Variants in DCLRE1C observed in about 807,000 individuals in gnomAD.
DCLRE1C encodes protein artemis.
Under a neutral mutation model 61.4 loss-of-function variants are expected in DCLRE1C, and 47 were observed. The observed-to-expected ratio is 0.77, with a 90% CI of 0.61 to 0.98. DCLRE1C has a LOEUF of 0.98. DCLRE1C is among the 50% of genes least tolerant of loss of function. The pLI is 0.00. For synonymous variants in DCLRE1C, 337 were observed against 287.6 expected, an observed-to-expected ratio of 1.17 and a Z score of -1.74; for missense variants, 858 against 816.0, an observed-to-expected ratio of 1.05 and a Z score of -0.63.
chr10:14,922,385 G>A (rs1242838584), intron 12 of DCLRE1C, among the ~76,000 whole-genome samples: 1 of 151,416 alleles, frequency 6.6e-6, no homozygotes, highest in African/African-American at 2.4e-5. Context: ...AGGTTGCAGT[G>A]AGCCGAGATC....
At position 14,919,758 on chromosome 10, in the gene DCLRE1C, C is replaced by A. The variant is rs762566227; in HGVS notation, c.1136G>T (p.Arg379Ile). The A allele has an allele frequency of 2.5e-6, 4 of 1,613,912 alleles. No individual in the cohort carries two copies. The highest frequency in any genetic ancestry group is 2.5e-6 in the Non-Finnish European group (3 of 1,179,868). The stretch of plus-strand genomic sequence containing the variant: ...CTTACCTGAGTCTCGGTGAACTGTT[C>A]TAGCTCTCTTCAGTTTTCCCAGTGG... ...YKPLGKLKRA[R>I]TVHRDSEEED... The change falls in exon 13 of 14, where the codon AGA becomes ATA. Residue 379 changes from arginine to isoleucine, a missense_variant. Transcript: ENST00000378278.
intron 10 of DCLRE1C, among the ~76,000 whole-genome samples, chr10:14,927,677 T>C (rs1162580692): frequency 6.6e-6 from 1 of 151,844 alleles, no homozygotes; most frequent in Non-Finnish European, 1.5e-5. Context: ...TAAGGAAATA[T>C]TGCTAAAATA....
At chr10:14,919,513 G>A (rs41299716) in intron 13 of DCLRE1C, among the ~76,000 whole-genome samples, 78 of 152,278 alleles carry the variant, frequency 5.1e-4, no homozygotes, top group African/African-American at 1.6e-3. Flanking sequence ...ACACACGATG[G>A]CACCGTTTTC....
Position 14,943,870 on chromosome 10 carries a change from A to T in DCLRE1C, c.246+1235T>A, listed in dbSNP as rs41296946. Among the ~76,000 whole-genome samples the T allele has an allele frequency of 8.5e-3, 1,300 of 152,250 alleles. 18 individuals carry two copies. Among genetic ancestry groups the T allele is most frequent in the African/African-American group, 0.03 (1,233 of 41,542 alleles). On this transcript the variant is annotated intron_variant, in intron 3 of 13. Coordinates refer to ENST00000378278, the MANE Select transcript of DCLRE1C (RefSeq NM_001033855.3). ...CAGATTTGTCTGATTTTTTTAACTT[A>T]AACTGAGAATTTGTCTTTTGACCAA...
intron 13 of DCLRE1C, among the ~76,000 whole-genome samples, chr10:14,912,587 G>T (rs1025207238): frequency 6.6e-6 from 1 of 152,182 alleles, no homozygotes; most frequent in Admixed American, 6.5e-5. Flanking sequence ...ATATTGGTTG[G>T]CAATAAAAAG....
exon 14 of DCLRE1C, chr10:14,898,210 T>C (rs1351098088): frequency 2.9e-5 from 4 of 137,448 alleles, no homozygotes; most frequent in South Asian, 2.4e-4. Flanking sequence ...TTCTTTTTTT[T>C]TTTTTTTTTT....
intron 13 of DCLRE1C, 29 bp from the exon 14 acceptor site, chr10:14,909,359 GA>G (rs1834866185): frequency 6.2e-7 from 1 of 1,605,392 alleles, no homozygotes; most frequent in Non-Finnish European, 8.5e-7. Flanking sequence ...AGGTTTATAG[GA>G]AACAAGGCAA....
intron 6 of DCLRE1C, 83 bp downstream of exon 6, chr10:14,935,380 C>G: frequency 1.4e-6 from 2 of 1,446,792 alleles, no homozygotes; most frequent in Non-Finnish European, 1.9e-6. Flanking sequence ...GCAGGAGAAT[C>G]GCTTGAACTC....
chr10:14,909,309 A>G lies in DCLRE1C; in HGVS notation c.1178T>C (p.Phe393Ser). ...TAAAGGTATTGGCAGAGGATCATCA[A>G]AGAGATAGTCATCTTCCTCCTCTGT... The part of the protein sequence containing the change: ...RDSEEEDDYL[F>S]DDPLPIPLRH... The change falls in exon 14 of 14, where the codon TTT becomes TCT. Residue 393 changes from phenylalanine (F) to serine (S), a missense_variant. Physicochemically the swap from Phe to Ser is radical, Grantham distance 155. Coordinates refer to ENST00000378278, the MANE Select transcript of DCLRE1C (RefSeq NM_001033855.3). 1 of 1,613,770 alleles carries G rather than the reference A, an allele frequency of 6.2e-7. No individual in the cohort carries two copies. Among genetic ancestry groups the G allele is most frequent in the Non-Finnish European group, 8.5e-7 (1 of 1,179,984 alleles).
downstream of DCLRE1C, among the ~76,000 whole-genome samples, chr10:14,902,187 A>C (rs1185570633): frequency 6.6e-6 from 1 of 152,228 alleles, no homozygotes; most frequent in Non-Finnish European, 1.5e-5. Context: ...CATCCTTTCA[A>C]GACAATTCAT....
intron 2 of DCLRE1C, among the ~76,000 whole-genome samples, chr10:14,948,165 G>T (rs1186533544): frequency 6.6e-6 from 1 of 151,900 alleles, no homozygotes; most frequent in Admixed American, 6.6e-5. Context: ...CTTGAAGCCA[G>T]GAGTTTACAA....
chr10:14,938,634 C>T (rs1840370128), intron 4 of DCLRE1C, among the ~76,000 whole-genome samples: 1 of 152,130 alleles, frequency 6.6e-6, no homozygotes, highest in Admixed American at 6.6e-5. Flanking sequence ...CTTATTAAAA[C>T]CATACATTCA....
At chr10:14,934,635 C>T in intron 7 of DCLRE1C, 68 bp downstream of exon 7, 4 of 1,611,658 alleles carry the variant, frequency 2.5e-6, no homozygotes, top group Middle Eastern at 1.7e-4. Flanking sequence ...GACCTGTCAC[C>T]CTACAAACTT....
intron 2 of DCLRE1C, among the ~76,000 whole-genome samples, chr10:14,946,623 C>A (rs1331324002): frequency 1.3e-5 from 2 of 151,946 alleles, no homozygotes; most frequent in African/African-American, 4.8e-5. Flanking sequence ...CCCTGAGTCT[C>A]CATTTAACAG....
chr10:14,950,796 T>G (rs1043136526), intron 1 of DCLRE1C, among the ~76,000 whole-genome samples: 2 of 152,182 alleles, frequency 1.3e-5, no homozygotes, highest in African/African-American at 4.8e-5. Flanking sequence ...CCCTTCCAGC[T>G]GGTAGTCACA....
chr10:14,925,225 T>TAAAAAAAAAAAAAAAAAAA (rs67477083), intron 11 of DCLRE1C, among the ~76,000 whole-genome samples: 5 of 109,324 alleles, frequency 4.6e-5, no homozygotes, highest in Non-Finnish European at 7.5e-5. Context: ...ATAAAGGATT[T>TAAAAAAAAAAAAAAAAAAA]AAAAAAAAAA....
At chr10:14,943,028 A>C (rs1292800986) in intron 3 of DCLRE1C, among the ~76,000 whole-genome samples, 4 of 152,190 alleles carry the variant, frequency 2.6e-5, no homozygotes, top group Non-Finnish European at 4.4e-5. Context: ...AGGGAGGCGG[A>C]GGCAGGGAGA....
chr10:14,908,674 A>T lies in DCLRE1C; in HGVS notation c.1813T>A (p.Leu605Met), dbSNP rs1431035504. The change falls in exon 14 of 14, where the codon TTG becomes ATG. Residue 605 changes from leucine (L) to methionine (M), a missense_variant. Leu to Met is a conservative substitution (Grantham distance 15). Transcript: ENST00000378278. ...GTCACATCTTTATCTCTGCTTTTCA[A>T]ATCAGAGTAAGTATCCTTTGGGCAA... ...VICPKDTYSD[L>M]KSRDKDVTIV... 6.2e-7 allele frequency: 1 copy of T among 1,614,156 alleles called. No individual in the cohort carries two copies. The highest frequency in any genetic ancestry group is 8.5e-7 in the Non-Finnish European group (1 of 1,180,022).
chr10:14,923,281 A>C, intron 11 of DCLRE1C: 1 of 542,086 alleles, frequency 1.8e-6, no homozygotes. Flanking sequence ...ACTGAGTACT[A>C]GTGGGCCTAG....
Sources: gnomAD v4.1 joint callset for allele counts (sites outside exome capture counted in the v4.1 genomes callset) on GRCh38, gnomAD v4.1.1 for gene constraint, MANE v1.5 for transcripts, NCBI Gene and HGNC (gene_info 2026-07-23, HGNC 2026-07-21) for gene names.